ATP6V1A: variants seen among roughly 807,000 people sequenced by gnomAD.
ATP6V1A encodes the protein ATPase H+ transporting V1 subunit A.
In ATP6V1A, 18 loss-of-function variants were observed where a neutral mutation model predicts 70.1. The ratio of observed to expected loss-of-function variants is 0.26; its 90% confidence interval spans 0.18 to 0.38. The LOEUF is 0.38. Ranked by LOEUF, ATP6V1A falls within the 10% of genes least tolerant of loss-of-function variation. The pLI is 1.00. For synonymous variants in ATP6V1A, 232 were observed against 253.8 expected, an observed-to-expected ratio of 0.91 and a Z score of 0.82; for missense variants, 424 against 772.4, an observed-to-expected ratio of 0.55 and a Z score of 5.35.
rs555539069 is a variant in ATP6V1A at position 113,802,982 on chromosome 3, G to A, written c.1495-601G>A. On this transcript the variant is annotated intron_variant, in intron 12 of 14. Coordinates refer to ENST00000273398, the MANE Select transcript of ATP6V1A (RefSeq NM_001690.4). Reference sequence around the variant, plus strand: ...CCAGACCCATATTCTTAGCAGCACTGTTCACAATAGCCAGGAAGTGGAAGC... The same window carrying A: ...CCAGACCCATATTCTTAGCAGCACTATTCACAATAGCCAGGAAGTGGAAGC... Among the ~76,000 whole-genome samples, 78 of 152,148 alleles carry A rather than the reference G, an allele frequency of 5.1e-4. 1 individual carries two copies. Among genetic ancestry groups the A allele is most frequent in the African/African-American group, 1.8e-3 (76 of 41,494 alleles).
At position 113,794,916 on chromosome 3, in the gene ATP6V1A, A is replaced by G. The variant is rs1447423731; in HGVS notation, c.1033A>G (p.Ser345Gly). 2.5e-6 allele frequency: 4 copies of G among 1,613,912 alleles called. No homozygotes were observed. Among genetic ancestry groups the G allele is most frequent in the Non-Finnish European group, 3.4e-6 (4 of 1,179,892 alleles). The change falls in exon 9 of 15, where the codon AGT (serine) becomes GGT (glycine). Residue 345 changes from serine to glycine, a missense_variant. Around this residue, in one of 9 missense-constraint regions of ATP6V1A, gnomAD observed 58 missense variants for 181.5 expected, o/e 0.32. Transcript: ENST00000273398. ...EYFRDMGYHV[S>G]MMADSTSRWA... ...CTTCCGTGACATGGGCTATCATGTC[A>G]GTATGATGGCTGACTCTACCTCTAG...
At chr3:113,796,153 C>T (rs762198810) in intron 11 of ATP6V1A, among the ~76,000 whole-genome samples, 4 of 152,022 alleles carry the variant, frequency 2.6e-5, no homozygotes, top group Non-Finnish European at 5.9e-5. Context: ...TTATAATAAA[C>T]TTAATAATAT....
At chr3:113,783,098 G>C (rs771579812) in intron 3 of ATP6V1A, among the ~76,000 whole-genome samples, 6 of 152,216 alleles carry the variant, frequency 3.9e-5, no homozygotes, top group Non-Finnish European at 8.8e-5. Flanking sequence ...ACATAGTTTA[G>C]AGAGATTTCT....
intron 1 of ATP6V1A, among the ~76,000 whole-genome samples, chr3:113,767,266 A>AT (rs1320628848): frequency 6.6e-6 from 1 of 151,562 alleles, no homozygotes; most frequent in African/African-American, 2.4e-5. Flanking sequence ...TAATTTTGGT[A>AT]TTTTTAGTAG....
chr3:113,777,075 G>A (rs957000548), intron 1 of ATP6V1A, among the ~76,000 whole-genome samples: 2 of 152,136 alleles, frequency 1.3e-5, no homozygotes, highest in African/African-American at 2.4e-5. Context: ...AGCTTTTCAT[G>A]TGTACATGTA....
intron 1 of ATP6V1A, among the ~76,000 whole-genome samples, chr3:113,754,880 C>T (rs973593064): frequency 1.3e-4 from 20 of 152,136 alleles, no homozygotes; most frequent in Non-Finnish European, 2.1e-4. Context: ...AAAGTATCTC[C>T]GTAGAATACA....
At position 113,795,931 on chromosome 3, in the gene ATP6V1A, A is replaced by T; in HGVS notation, c.1282A>T (p.Ile428Phe). The T allele has an allele frequency of 6.2e-7, 1 of 1,609,982 alleles. No individual in the cohort carries two copies. Among genetic ancestry groups the T allele is most frequent in the Non-Finnish European group, 8.5e-7 (1 of 1,178,782 alleles). The change falls in exon 11 of 15, where the codon ATC (isoleucine) becomes TTC (phenylalanine). Residue 428 changes from isoleucine to phenylalanine, a missense_variant. By Grantham distance (21) the Ile-to-Phe change is conservative. Transcript: ENST00000273398. ...SDPVTSATLG[I>F]VQVFWGLDKK... ...TCCAGTTACATCTGCCACTCTTGGT[A>T]TCGTTCAGGTATGTCTTTCCCTAGT...
intron 11 of ATP6V1A, among the ~76,000 whole-genome samples, chr3:113,797,695 A>G (rs544923524): frequency 1.3e-5 from 2 of 152,388 alleles, no homozygotes; most frequent in African/African-American, 4.8e-5. Context: ...TTAAGAAAAT[A>G]GAGGTAAATT....
Position 113,789,021 on chromosome 3 carries a change from A to C in ATP6V1A, c.879+146A>C, listed in dbSNP as rs1031687124. 6 of 742,812 alleles carry C rather than the reference A, an allele frequency of 8.1e-6. No individual in the cohort carries two copies. The Admixed American group carries it at 1.3e-4, about 16-fold the overall frequency. The allele number at this position is 742,812 out of a possible 1,614,324, so 46.0% of individuals were successfully genotyped here. A position where few individuals can be genotyped will look rare whatever the true frequency, so the allele number is the denominator to read the frequency against. On this transcript the variant is annotated intron_variant, in intron 7 of 14. Coordinates refer to ENST00000273398, the MANE Select transcript of ATP6V1A (RefSeq NM_001690.4). ...GAATTTTAAAATTATATTTGTAATT[A>C]ATCTGTATATTCAAGAAAAGGAATT...
Position 113,771,238 on chromosome 3 carries a change from G to A in ATP6V1A, c.-13-7503G>A, listed in dbSNP as rs180737372. Reference sequence around the variant, plus strand: ...GTAAGCATTCAATGATGAAGCAGAAGATTTTAATGGGATATTTTTAACTAT... The same window carrying A: ...GTAAGCATTCAATGATGAAGCAGAAAATTTTAATGGGATATTTTTAACTAT... On this transcript the variant is annotated intron_variant, in intron 1 of 14. Coordinates refer to ENST00000273398, the MANE Select transcript of ATP6V1A (RefSeq NM_001690.4). Among the ~76,000 whole-genome samples the A allele has an allele frequency of 3.3e-5, 5 of 152,206 alleles. No individual in the cohort carries two copies. The East Asian group carries it at 9.6e-4, about 29-fold the overall frequency.
intron 1 of ATP6V1A, among the ~76,000 whole-genome samples, chr3:113,772,950 T>A: frequency 7.3e-6 from 1 of 136,232 alleles, no homozygotes; most frequent in African/African-American, 2.8e-5. Context: ...TTTTTTTTTT[T>A]TTTTTGAGAT....
At chr3:113,801,044 A>G (rs907229024) in intron 12 of ATP6V1A, 1 of 152,132 alleles carries the variant, frequency 6.6e-6, no homozygotes, top group African/African-American at 2.4e-5. Context: ...AGTCCCAGCT[A>G]CTTGGAAAGC....
At chr3:113,762,868 A>G (rs574346578) in intron 1 of ATP6V1A, among the ~76,000 whole-genome samples, 3 of 152,290 alleles carry the variant, frequency 2.0e-5, no homozygotes, top group South Asian at 4.1e-4. Flanking sequence ...GTATAACAAT[A>G]AACACGTATA....
chr3:113,747,502 G>A (rs1708536420), intron 1 of ATP6V1A: 2 of 152,438 alleles, frequency 1.3e-5, no homozygotes, highest in African/African-American at 2.4e-5. Flanking sequence ...CAGGGCTGAG[G>A]AGCGGGGAGG....
At chr3:113,790,146 C>CT (rs1223054566) in intron 8 of ATP6V1A, among the ~76,000 whole-genome samples, 2 of 151,684 alleles carry the variant, frequency 1.3e-5, no homozygotes, top group Non-Finnish European at 2.9e-5. Context: ...TGGCAGCCAC[C>CT]TTTAATCCCA....
intron 8 of ATP6V1A, among the ~76,000 whole-genome samples, chr3:113,793,838 T>TA (rs1343113277): frequency 6.6e-6 from 1 of 152,038 alleles, no homozygotes; most frequent in African/African-American, 2.4e-5. Flanking sequence ...ACCAGTAAAA[T>TA]AAAAAAACCA....
At chr3:113,761,114 CT>C (rs1192225198) in intron 1 of ATP6V1A, among the ~76,000 whole-genome samples, 6 of 140,192 alleles carry the variant, frequency 4.3e-5, no homozygotes, top group Non-Finnish European at 7.8e-5. Flanking sequence ...TTTTTTTTTT[CT>C]TTTTTTTTGA....
chr3:113,759,310 AT>A, intron 1 of ATP6V1A, among the ~76,000 whole-genome samples: 1 of 65,336 alleles, frequency 1.5e-5, no homozygotes, highest in East Asian at 4.2e-4. Context: ...TTTGCATTTT[AT>A]GTATACGTTG....
At chr3:113,788,319 T>A (rs1709057918) in intron 6 of ATP6V1A, among the ~76,000 whole-genome samples, 1 of 151,692 alleles carries the variant, frequency 6.6e-6, no homozygotes, top group South Asian at 2.1e-4. Context: ...CTTACCTACT[T>A]TATTTTTATT....
Sources: gnomAD v4.1 joint callset for allele counts (sites outside exome capture counted in the v4.1 genomes callset) on GRCh38, gnomAD v4.1.1 for gene constraint, gnomAD v4.1.1 regional missense constraint, MANE v1.5 for transcripts, NCBI Gene and HGNC (gene_info 2026-07-23, HGNC 2026-07-21) for gene names.